Variants in SLC2A13 observed in about 807,000 individuals in gnomAD.
SLC2A13 encodes proton myo-inositol cotransporter.
Under a neutral mutation model 64.4 loss-of-function variants are expected in SLC2A13, and 32 were observed. That is an observed-to-expected ratio of 0.50 (90% CI 0.37 to 0.67). The LOEUF is 0.67. SLC2A13 is among the 30% of genes least tolerant of loss of function. SLC2A13 has a pLI of 0.00. For missense variants in SLC2A13, 743 were observed against 829.2 expected (o/e 0.90, Z 1.28); for synonymous variants, 338 against 327.1 (o/e 1.03, Z -0.36).
At chr12:39,763,408 C>A (rs78020631) in intron 9 of SLC2A13, among the ~76,000 whole-genome samples, 6,643 of 152,112 alleles carry the variant, frequency 0.044, 209 homozygotes, top group Non-Finnish European at 0.061. Flanking sequence ...ATTCACCATT[C>A]ATCTGCAAAA....
chr12:39,966,046 T>C (rs979306295), intron 3 of SLC2A13, among the ~76,000 whole-genome samples: 5 of 151,584 alleles, frequency 3.3e-5, no homozygotes, highest in Admixed American at 6.6e-5. Context: ...TTTTTTCATA[T>C]ATATATACAT....
Position 39,951,335 on chromosome 12 carries a change from T to C in SLC2A13, c.956A>G (p.Tyr319Cys). ...AATTAAAGCTCGGCGAGTTGGGGGATAACTCAGCATTCTGCAGATCACAGG... is the reference window on the plus strand; with the variant it reads ...AATTAAAGCTCGGCGAGTTGGGGGACAACTCAGCATTCTGCAGATCACAGG... ...AGPVICRMLS[Y>C]PPTRRALIVG... Residue 319 changes from tyrosine to cysteine, a missense_variant, in exon 4 of 10, where the codon TAT becomes TGT. By Grantham distance (194) the Tyr-to-Cys change is radical. This residue lies in a region of SLC2A13 where 448 missense variants were observed against 447.4 expected (regional missense o/e 1.00). Coordinates refer to ENST00000280871, the MANE Select transcript of SLC2A13 (RefSeq NM_052885.4). 1 of 1,609,486 alleles carries C rather than the reference T, an allele frequency of 6.2e-7. No homozygotes were observed. The highest frequency in any genetic ancestry group is 8.5e-7 in the Non-Finnish European group (1 of 1,177,970).
intron 1 of SLC2A13, among the ~76,000 whole-genome samples, chr12:40,052,414 GGAGAA>G (rs1398440122): frequency 6.6e-6 from 1 of 151,944 alleles, no homozygotes; most frequent in African/African-American, 2.4e-5. Flanking sequence ...AAAAAAGGGT[GGAGAA>G]AAGAAAACAT....
chr12:40,028,436 G>A lies in SLC2A13; in HGVS notation c.790C>T (p.Arg264Ter), dbSNP rs954622172. ...GTCTGTCCTTTCTGAATAAGCCATCGAGGGCTTTCAGGCAAAAAGAGAAAG... is the reference window on the plus strand; with the variant it reads ...GTCTGTCCTTTCTGAATAAGCCATCAAGGGCTTTCAGGCAAAAAGAGAAAG... ...FGFLFLPESP[R>*]WLIQKGQTQK... Residue 264 changes from arginine to a stop codon, truncating the protein, a stop_gained, in exon 3 of 10, where the codon CGA (arginine) becomes TGA (stop). Coordinates refer to ENST00000280871, the MANE Select transcript of SLC2A13 (RefSeq NM_052885.4). LOFTEE classifies it high-confidence loss of function. 1 of 1,613,806 alleles carries A rather than the reference G, an allele frequency of 6.2e-7. No individual in the cohort carries two copies.
chr12:39,937,053 G>A (rs983467874), intron 4 of SLC2A13, among the ~76,000 whole-genome samples: 1 of 152,254 alleles, frequency 6.6e-6, no homozygotes, highest in Admixed American at 6.5e-5. Context: ...CCATGAAGGA[G>A]ATTTAAGTTG....
intron 7 of SLC2A13, among the ~76,000 whole-genome samples, chr12:39,816,318 G>A (rs1021415191): frequency 6.6e-6 from 1 of 151,610 alleles, no homozygotes; most frequent in Non-Finnish European, 1.5e-5. Flanking sequence ...GCCGTAGGTT[G>A]GGTTGCCTAG....
At chr12:39,789,880 A>G (rs4639999) in intron 7 of SLC2A13, among the ~76,000 whole-genome samples, 144,433 of 152,124 alleles carry the variant, frequency 0.95, 68,662 homozygotes, top group East Asian at 0.99. Flanking sequence ...CCAATTGGAC[A>G]GTTTGCCTAT....
In SLC2A13 at chr12:40,052,440, T is replaced by C. The variant is rs571136801; in HGVS notation, c.557-4230A>G. Among the ~76,000 whole-genome samples the C allele has an allele frequency of 1.2e-4, 18 of 152,056 alleles. No individual in the cohort carries two copies. The South Asian group carries it at 3.7e-3, about 32-fold the overall frequency. On this transcript the variant is annotated intron_variant, in intron 1 of 9. Coordinates refer to ENST00000280871, the MANE Select transcript of SLC2A13 (RefSeq NM_052885.4). ...GAGAAAAGAAAACATGGGCAAATCATGAGGTATATTGGGAGAAGTTAAGAC... is the reference window on the plus strand; with the variant it reads ...GAGAAAAGAAAACATGGGCAAATCACGAGGTATATTGGGAGAAGTTAAGAC...
chr12:39,847,534 A>G (rs1424468184), intron 6 of SLC2A13, among the ~76,000 whole-genome samples: 2 of 152,108 alleles, frequency 1.3e-5, no homozygotes, highest in Non-Finnish European at 2.9e-5. Context: ...CTTGCTTCAC[A>G]GGAATGCTAT....
chr12:39,830,798 T>C (rs1358364586), intron 6 of SLC2A13, among the ~76,000 whole-genome samples: 1 of 152,194 alleles, frequency 6.6e-6, no homozygotes, highest in African/African-American at 2.4e-5. Context: ...GTGAAATCTG[T>C]GCTTTCAGCA....
At chr12:39,915,844 T>A (rs1377498340) in intron 4 of SLC2A13, among the ~76,000 whole-genome samples, 1 of 152,018 alleles carries the variant, frequency 6.6e-6, no homozygotes, top group African/African-American at 2.4e-5. Context: ...GGAGTCTTTA[T>A]GTCACATAAA....
chr12:40,040,815 T>A (rs966084195), intron 2 of SLC2A13, among the ~76,000 whole-genome samples: 8 of 152,204 alleles, frequency 5.3e-5, no homozygotes, highest in African/African-American at 1.9e-4. Context: ...TATTCTACAT[T>A]TCATATAGAG....
intron 3 of SLC2A13, among the ~76,000 whole-genome samples, chr12:40,023,130 C>G (rs914820879): frequency 6.6e-6 from 1 of 152,354 alleles, no homozygotes; most frequent in Admixed American, 6.5e-5. Context: ...GCTTCCCTAG[C>G]TTTTTGCAGT....
At chr12:39,834,232 G>A (rs1215363250) in intron 6 of SLC2A13, among the ~76,000 whole-genome samples, 2 of 151,838 alleles carry the variant, frequency 1.3e-5, no homozygotes, top group African/African-American at 4.8e-5. Flanking sequence ...TCTTGAGATA[G>A]GTCAAAAAAA....
At chr12:39,961,067 A>G (rs1946404212) in intron 3 of SLC2A13, among the ~76,000 whole-genome samples, 1 of 146,628 alleles carries the variant, frequency 6.8e-6, no homozygotes. Context: ...TTTAAAGAGA[A>G]TGTTTTTTTC....
chr12:39,924,390 T>C (rs1945677197), intron 4 of SLC2A13, among the ~76,000 whole-genome samples: 1 of 152,214 alleles, frequency 6.6e-6, no homozygotes, highest in African/African-American at 2.4e-5. Flanking sequence ...CTACTATTTA[T>C]CTGCTGTAAA....
At position 40,097,520 on chromosome 12, in the gene SLC2A13, T is replaced by C. The variant is rs551146942; in HGVS notation, c.556+7733A>G. Among the ~76,000 whole-genome samples, 7 of 152,132 alleles carry C rather than the reference T, an allele frequency of 4.6e-5. No individual in the cohort carries two copies. The South Asian group carries it at 1.5e-3, about 32-fold the overall frequency. The stretch of plus-strand genomic sequence containing the variant: ...TACATAAGGAACTTCTACAACTCAA[T>C]AGCAACTGCAATAAACCAATTAAAA... On this transcript the variant is annotated intron_variant, in intron 1 of 9. Transcript: ENST00000280871.
intron 4 of SLC2A13, among the ~76,000 whole-genome samples, chr12:39,896,341 CAT>C (rs1215275529): frequency 5.4e-5 from 5 of 93,376 alleles, no homozygotes; most frequent in African/African-American, 1.2e-4. Context: ...TATATGTATA[CAT>C]ATATGTATGT....
intron 4 of SLC2A13, among the ~76,000 whole-genome samples, chr12:39,945,026 C>T (rs1473407753): frequency 1.3e-5 from 2 of 152,046 alleles, no homozygotes; most frequent in East Asian, 1.9e-4. Flanking sequence ...TTTAGAGCTC[C>T]GTTTAGCAGT....
Sources: gnomAD v4.1 joint callset for allele counts (sites outside exome capture counted in the v4.1 genomes callset) on GRCh38, gnomAD v4.1.1 for gene constraint, gnomAD v4.1.1 regional missense constraint, MANE v1.5 for transcripts, NCBI Gene and HGNC (gene_info 2026-07-23, HGNC 2026-07-21) for gene names.